Variants in CSMD1 observed in about 807,000 individuals in gnomAD.
The protein encoded by CSMD1 is CUB and sushi domain-containing protein 1.
In CSMD1, 213 loss-of-function variants were observed where a neutral mutation model predicts 417.5. That is an observed-to-expected ratio of 0.51 (90% CI 0.46 to 0.57). CSMD1 has a LOEUF of 0.57. Among genes scored for constraint, CSMD1 ranks in the 20% least tolerant of loss-of-function variants. The pLI, the probability that CSMD1 is intolerant of heterozygous loss-of-function variation, is 0.00. For missense variants in CSMD1, 6,923 were observed against 4,529.7 expected, an observed-to-expected ratio of 1.53 and a Z score of -15.17; for synonymous variants, 2,862 against 1,736.8, an observed-to-expected ratio of 1.65 and a Z score of -16.11.
intron 1 of CSMD1, among the ~76,000 whole-genome samples, chr8:4,915,100 C>G (rs1563753592): frequency 6.6e-6 from 1 of 151,936 alleles, no homozygotes. Context: ...ATGGTCAGGC[C>G]GAGTCAAGTG....
rs567227065 is a variant in CSMD1, at chr8:3,230,169, T to C, written c.4216A>G (p.Ser1406Gly). ...GTGACGGTGTCTCCAGCCTCTCTGC[T>C]GTCTCCATAGCGGGTGCCATTTTGG... is the stretch of plus-strand genomic sequence containing the variant. ...MPQNGTRYGD[S>G]REAGDTVTFQ... The change falls in exon 27 of 70, where the codon AGC (serine) becomes GGC (glycine). Residue 1406 changes from serine to glycine, a missense_variant. By Grantham distance (56) the Ser-to-Gly change is moderately conservative (BLOSUM62 0). Transcript: ENST00000635120. The C allele has an allele frequency of 1.1e-5, 18 of 1,613,430 alleles. No individual in the cohort carries two copies. The highest frequency in any genetic ancestry group is 1.4e-5 in the Non-Finnish European group (17 of 1,179,666).
intron 3 of CSMD1, among the ~76,000 whole-genome samples, chr8:4,072,831 G>A (rs1375362354): frequency 3.3e-5 from 5 of 152,136 alleles, no homozygotes; most frequent in Non-Finnish European, 5.9e-5. Context: ...CCCAAAAGCC[G>A]TCTTTTCCAC....
intron 51 of CSMD1, among the ~76,000 whole-genome samples, chr8:3,020,125 A>C (rs1809237110): frequency 6.6e-6 from 1 of 152,238 alleles, no homozygotes; most frequent in Admixed American, 6.5e-5. Flanking sequence ...GCCAGGCAGC[A>C]CTTGCCAATT....
At chr8:3,513,059 C>T (rs5028044) in intron 10 of CSMD1, among the ~76,000 whole-genome samples, 5 of 151,792 alleles carry the variant, frequency 3.3e-5, no homozygotes, top group Admixed American at 6.6e-5. Context: ...ACTTCTAAAA[C>T]GGATAGCTGT....
intron 1 of CSMD1, among the ~76,000 whole-genome samples, chr8:4,952,822 T>G (rs935462872): frequency 1.3e-5 from 2 of 152,140 alleles, no homozygotes; most frequent in African/African-American, 4.8e-5. Flanking sequence ...GTAATCAGCG[T>G]TTTTAATAAC....
At chr8:4,000,208 G>T (rs1421686931) in intron 4 of CSMD1, among the ~76,000 whole-genome samples, 5 of 140,108 alleles carry the variant, frequency 3.6e-5, no homozygotes, top group African/African-American at 1.3e-4. Flanking sequence ...TACATTCTTG[G>T]GAACAGCCGA....
chr8:4,024,429 C>G (rs146418224), intron 4 of CSMD1, among the ~76,000 whole-genome samples: 1,592 of 152,258 alleles, frequency 0.01, 7 homozygotes, highest in Non-Finnish European at 0.016. Flanking sequence ...TTAAACTCTT[C>G]AACCATGTTC....
chr8:4,855,654 T>C lies in CSMD1; in HGVS notation c.85+138678A>G, dbSNP rs565252020. Among the ~76,000 whole-genome samples the C allele has an allele frequency of 3.9e-5, 6 of 152,042 alleles. No homozygotes were observed. The East Asian group carries it at 5.8e-4, about 15-fold the overall frequency. ...GGAGCCAATGCAATCAACTGGAAGA[T>C]AGGGTATCAGCGATGGAAGATGAAA... On this transcript the variant is annotated intron_variant, in intron 1 of 69. Coordinates refer to ENST00000635120, the MANE Select transcript of CSMD1 (RefSeq NM_033225.6).
chr8:4,958,858 G>C (rs926886264), intron 1 of CSMD1, among the ~76,000 whole-genome samples: 1 of 152,120 alleles, frequency 6.6e-6, no homozygotes, highest in Admixed American at 6.6e-5. Context: ...TTTAGTCAAA[G>C]AAAGCAGGTA....
intron 37 of CSMD1, among the ~76,000 whole-genome samples, chr8:3,173,202 G>A (rs1243958417): frequency 6.6e-6 from 1 of 152,176 alleles, no homozygotes; most frequent in Non-Finnish European, 1.5e-5. Context: ...ACCAGTAGGA[G>A]TAAAATTTTA....
rs781307092 is a variant in CSMD1 at position 3,586,230 on chromosome 8, C to T, written c.1128G>A (p.Glu376=). The change falls in exon 9 of 70, where the codon GAG becomes GAA. Residue 376 remains glutamate, a synonymous_variant. Transcript: ENST00000635120. ...TAGATCCCTGGAGCACGTAATTGTC[C>T]TCACATGAAAACTGTACATTTGCAC... is the stretch of plus-strand genomic sequence containing the variant. ...RVGANVQFSC[E]DNYVLQGSKS... 3.1e-6 allele frequency: 5 copies of T among 1,611,458 alleles called. No individual in the cohort carries two copies. The highest frequency in any genetic ancestry group is 4.5e-5 in the East Asian group (2 of 44,794).
intron 1 of CSMD1, among the ~76,000 whole-genome samples, chr8:4,927,113 T>TTAC (rs1806922012): frequency 1.3e-5 from 2 of 149,380 alleles, no homozygotes; most frequent in East Asian, 3.9e-4. Context: ...ATTATTATTA[T>TTAC]TATTATTATT....
At chr8:4,354,002 T>C (rs1381206672) in intron 3 of CSMD1, among the ~76,000 whole-genome samples, 1 of 152,232 alleles carries the variant, frequency 6.6e-6, no homozygotes, top group African/African-American at 2.4e-5. Context: ...CCTGCGTGGT[T>C]GTTCAGCACA....
At chr8:4,604,399 G>GTC (rs1321600294) in intron 2 of CSMD1, among the ~76,000 whole-genome samples, 1 of 91,688 alleles carries the variant, frequency 1.1e-5, no homozygotes, top group African/African-American at 2.8e-5. Context: ...GTGTGTGTGT[G>GTC]TGTGTGTGTG....
At chr8:3,881,170 T>A (rs1806179491) in intron 5 of CSMD1, among the ~76,000 whole-genome samples, 1 of 152,066 alleles carries the variant, frequency 6.6e-6, no homozygotes, top group African/African-American at 2.4e-5. Context: ...GAAGACACAA[T>A]ATTTTAAAGA....
At chr8:3,879,752 C>A (rs369578812) in intron 5 of CSMD1, among the ~76,000 whole-genome samples, 1 of 152,084 alleles carries the variant, frequency 6.6e-6, no homozygotes, top group African/African-American at 2.4e-5. Context: ...TGGACTAGCA[C>A]GTTTTTCTAT....
rs191141504 is a variant in CSMD1, at chr8:3,835,769, T to C, written c.819-81727A>G. On this transcript the variant is annotated intron_variant, in intron 5 of 69. Transcript: ENST00000635120. ...GATGGCTCCACCCTTAACCCCACCA[T>C]TTGGCTAACTCTGGGTGATTGTGTG... 3.4e-3 allele frequency among the ~76,000 whole-genome samples: 516 copies of C among 151,892 alleles called. 1 individual carries two copies. Among genetic ancestry groups the C allele is most frequent in the Non-Finnish European group, 6.4e-3 (432 of 67,916 alleles).
intron 5 of CSMD1, among the ~76,000 whole-genome samples, chr8:3,899,994 C>G (rs982170429): frequency 1.3e-5 from 2 of 152,252 alleles, no homozygotes; most frequent in African/African-American, 4.8e-5. Flanking sequence ...GCAGCTACAG[C>G]TGGTTGACAA....
In CSMD1 at chr8:2,960,621, C is replaced by T. The variant is rs114615356; in HGVS notation, c.9702+520G>A. 9.9e-3 allele frequency among the ~76,000 whole-genome samples: 1,512 copies of T among 152,082 alleles called. 21 individuals carry two copies. Among genetic ancestry groups the T allele is most frequent in the African/African-American group, 0.032 (1,311 of 41,460 alleles). The stretch of plus-strand genomic sequence containing the variant: ...GAACGTTCCAAAATGATATTTAGTA[C>T]GCTAATAATTCATAGAAATTTAAAG... On this transcript the variant is annotated intron_variant, in intron 62 of 69. Coordinates refer to ENST00000635120, the MANE Select transcript of CSMD1 (RefSeq NM_033225.6).
Sources: gnomAD v4.1 joint callset for allele counts (sites outside exome capture counted in the v4.1 genomes callset) on GRCh38, gnomAD v4.1.1 for gene constraint, MANE v1.5 for transcripts, NCBI Gene and HGNC (gene_info 2026-07-23, HGNC 2026-07-21) for gene names.